Variants in CSMD1 observed in about 807,000 individuals in gnomAD.
CSMD1 encodes the protein CUB and sushi domain-containing protein 1.
CSMD1 carries 213 observed loss-of-function variants against 417.5 expected under a neutral mutation model. The observed-to-expected ratio is 0.51, with a 90% confidence interval of 0.46 to 0.57. CSMD1 has a LOEUF of 0.57. CSMD1 is among the 20% of genes least tolerant of loss of function. The pLI is 0.00. For missense variants in CSMD1, 6,923 were observed against 4,529.7 expected (o/e 1.53, Z -15.17); for synonymous variants, 2,862 against 1,736.8 (o/e 1.65, Z -16.11).
chr8:4,738,903 T>TTGTGTGTGTGTGTGTG (rs34836566), intron 1 of CSMD1, among the ~76,000 whole-genome samples: 43,854 of 147,228 alleles, frequency 0.3, 6,440 homozygotes, highest in African/African-American at 0.35. Flanking sequence ...TTCTGTGTGT[T>TTGTGTGTGTGTGTGTG]TGTGTGTGTG....
intron 1 of CSMD1, among the ~76,000 whole-genome samples, chr8:4,991,664 C>T (rs1375813740): frequency 4.6e-5 from 7 of 152,166 alleles, no homozygotes; most frequent in African/African-American, 1.7e-4. Flanking sequence ...AGCGCGCTGC[C>T]GAGCCCCGGG....
intron 10 of CSMD1, among the ~76,000 whole-genome samples, chr8:3,570,102 G>C (rs1285648504): frequency 6.6e-6 from 1 of 152,128 alleles, no homozygotes; most frequent in Non-Finnish European, 1.5e-5. Context: ...TTCATTACTG[G>C]TCATTTTATG....
chr8:4,464,948 T>C (rs749968460), intron 2 of CSMD1, among the ~76,000 whole-genome samples: 2 of 152,142 alleles, frequency 1.3e-5, no homozygotes, highest in Admixed American at 6.5e-5. Flanking sequence ...AAACCAGATG[T>C]GCTTCCTCCC....
chr8:3,946,492 T>C (rs897361950), intron 5 of CSMD1, among the ~76,000 whole-genome samples: 7 of 152,278 alleles, frequency 4.6e-5, no homozygotes, highest in South Asian at 2.1e-4. Flanking sequence ...TCTTTTTAAA[T>C]CATATTGACT....
intron 11 of CSMD1, among the ~76,000 whole-genome samples, chr8:3,483,459 C>G (rs1817855490): frequency 6.6e-6 from 1 of 151,964 alleles, no homozygotes. Context: ...CTAAATAGTC[C>G]TTTATTATAG....
At chr8:3,301,223 G>A (rs563129750) in intron 25 of CSMD1, among the ~76,000 whole-genome samples, 1 of 151,970 alleles carries the variant, frequency 6.6e-6, no homozygotes, top group Non-Finnish European at 1.5e-5. Context: ...GTTTGGGGTA[G>A]GAGCAGTGGG....
chr8:4,443,191 G>C lies in CSMD1; in HGVS notation c.303-23126C>G, dbSNP rs188331035. Reference sequence around the variant, plus strand: ...AGAATTCTTACAGTGATATATTACTGAGTATACAAGAGGTGTTCAATTTTT... The same window carrying C: ...AGAATTCTTACAGTGATATATTACTCAGTATACAAGAGGTGTTCAATTTTT... On this transcript the variant is annotated intron_variant, in intron 2 of 69. Transcript: ENST00000635120. Among the ~76,000 whole-genome samples, 7 of 152,144 alleles carry C rather than the reference G, an allele frequency of 4.6e-5. No individual in the cohort carries two copies. In the East Asian group the frequency reaches 1.2e-3, roughly 25 times the overall value.
intron 3 of CSMD1, among the ~76,000 whole-genome samples, chr8:4,060,292 C>G (rs567976927): frequency 1.3e-5 from 2 of 152,234 alleles, no homozygotes; most frequent in Admixed American, 6.5e-5. Flanking sequence ...TGGGACGTAT[C>G]TCAGAATAAT....
intron 37 of CSMD1, 50 bp downstream of exon 37, chr8:3,181,060 A>G (rs1391507800): frequency 7.9e-6 from 9 of 1,134,752 alleles, no homozygotes; most frequent in Non-Finnish European, 1.0e-5. Context: ...TCTTTAAAAA[A>G]ATGACTCAGT....
intron 1 of CSMD1, among the ~76,000 whole-genome samples, chr8:4,747,958 T>C (rs1811063516): frequency 6.6e-6 from 1 of 152,238 alleles, no homozygotes; most frequent in Non-Finnish European, 1.5e-5. Context: ...TGTTCTGCCT[T>C]CTACTTACCA....
At chr8:4,890,249 A>G (rs932522320) in intron 1 of CSMD1, among the ~76,000 whole-genome samples, 8 of 152,148 alleles carry the variant, frequency 5.3e-5, no homozygotes, top group Non-Finnish European at 1.2e-4. Flanking sequence ...GCAGCACGAT[A>G]GAGTGGAGTG....
Position 4,144,709 on chromosome 8 carries a change from G to A in CSMD1, c.416-112610C>T, listed in dbSNP as rs769713064. Among the ~76,000 whole-genome samples, 59 of 151,054 alleles carry A rather than the reference G, an allele frequency of 3.9e-4. 1 individual carries two copies. Among genetic ancestry groups the A allele is most frequent in the Admixed American group, 5.3e-4 (8 of 15,206 alleles). ...GGTTTTACATACTCGGCAAAGAGTG[G>A]AGATTTCCTCATTGACCTCTTCCAA... is the stretch of plus-strand genomic sequence containing the variant. On this transcript the variant is annotated intron_variant, in intron 3 of 69. Transcript: ENST00000635120.
chr8:4,280,850 T>C lies in CSMD1; in HGVS notation c.415+139103A>G, dbSNP rs955750407. ...ATAAGACTTTTATCTTCATTTCTTCTACTTCCTGTAAACATACAGCATTAG... is the reference window on the plus strand; with the variant it reads ...ATAAGACTTTTATCTTCATTTCTTCCACTTCCTGTAAACATACAGCATTAG... On this transcript the variant is annotated intron_variant, in intron 3 of 69. Transcript: ENST00000635120. 9.8e-5 allele frequency among the ~76,000 whole-genome samples: 15 copies of C among 152,366 alleles called. No homozygotes were observed. In the South Asian group the frequency reaches 3.1e-3, roughly 32 times the overall value.
intron 3 of CSMD1, among the ~76,000 whole-genome samples, chr8:4,092,830 C>G (rs530076141): frequency 2.0e-5 from 3 of 152,086 alleles, no homozygotes; most frequent in Middle Eastern, 3.4e-3. Flanking sequence ...TTGTTTTGAT[C>G]AAAGCACTTT....
intron 3 of CSMD1, among the ~76,000 whole-genome samples, chr8:4,401,680 G>T (rs973621978): frequency 6.6e-6 from 1 of 151,942 alleles, no homozygotes; most frequent in Admixed American, 6.6e-5. Flanking sequence ...CCCAAATACC[G>T]GAAAAACTCA....
At chr8:3,224,042 C>A (rs1301509916) in intron 27 of CSMD1, among the ~76,000 whole-genome samples, 175 bp from the exon 28 acceptor site, 1 of 152,198 alleles carries the variant, frequency 6.6e-6, no homozygotes, top group Non-Finnish European at 1.5e-5. Context: ...GACCCAGGAA[C>A]TCTGTACATT....
intron 1 of CSMD1, among the ~76,000 whole-genome samples, chr8:4,895,353 G>A (rs1268879288): frequency 6.6e-6 from 1 of 152,008 alleles, no homozygotes; most frequent in Non-Finnish European, 1.5e-5. Context: ...AGTAATGTAA[G>A]TGTAACAGCA....
In CSMD1 at chr8:4,094,211, C is replaced by G. The variant is rs1161770783; in HGVS notation, c.416-62112G>C. Among the ~76,000 whole-genome samples the G allele has an allele frequency of 2.0e-5, 3 of 152,008 alleles. No homozygotes were observed. In the East Asian group the frequency reaches 5.8e-4, roughly 30 times the overall value. On this transcript the variant is annotated intron_variant, in intron 3 of 69. Coordinates refer to ENST00000635120, the MANE Select transcript of CSMD1 (RefSeq NM_033225.6). ...GAGCCAAACCTGGGTGTGAGCTTGG[C>G]TGCACTAGCTGCCCTCGTAACCTGG...
intron 2 of CSMD1, among the ~76,000 whole-genome samples, chr8:4,426,534 C>G (rs975014853): frequency 2.4e-4 from 35 of 146,668 alleles, no homozygotes; most frequent in African/African-American, 7.2e-4. Flanking sequence ...GTATTTTATA[C>G]TGTATAATAT....
Sources: gnomAD v4.1 joint callset for allele counts (sites outside exome capture counted in the v4.1 genomes callset) on GRCh38, gnomAD v4.1.1 for gene constraint, MANE v1.5 for transcripts, NCBI Gene and HGNC (gene_info 2026-07-23, HGNC 2026-07-21) for gene names.